CEP128: variants seen among roughly 807,000 people sequenced by gnomAD.
CEP128 encodes the protein centrosomal protein 128kDa.
Under a neutral mutation model 156.7 loss-of-function variants are expected in CEP128, and 132 were observed. That is an observed-to-expected ratio of 0.84 (90% CI 0.73 to 0.97). CEP128 has a LOEUF of 0.97. Among genes scored for constraint, CEP128 ranks in the 50% least tolerant of loss-of-function variants. The probability of loss-of-function intolerance (pLI) is 0.00; values close to 1 mark genes in which losing one functional copy is unlikely to be tolerated. For synonymous variants in CEP128, 469 were observed against 448.9 expected, an observed-to-expected ratio of 1.04 and a Z score of -0.57; for missense variants, 1,252 against 1,281.9, an observed-to-expected ratio of 0.98 and a Z score of 0.36.
At chr14:80,735,015 G>T (rs1218598043) in intron 19 of CEP128, among the ~76,000 whole-genome samples, 5 of 151,944 alleles carry the variant, frequency 3.3e-5, no homozygotes, top group Admixed American at 3.3e-4. Context: ...GACCTAACAG[G>T]TATCCCTCCC....
chr14:80,821,934 C>T (rs114699522), intron 13 of CEP128, among the ~76,000 whole-genome samples: 7 of 151,758 alleles, frequency 4.6e-5, no homozygotes, highest in African/African-American at 9.7e-5. Context: ...GTGACAGGCA[C>T]GCAGACAAGA....
At chr14:80,605,649 T>C (rs781100272) in intron 19 of CEP128, among the ~76,000 whole-genome samples, 16 of 152,046 alleles carry the variant, frequency 1.1e-4, no homozygotes, top group Non-Finnish European at 2.1e-4. Context: ...TTACATAACA[T>C]GAATATTTTC....
chr14:80,487,173 A>G (rs9743753), downstream of CEP128, among the ~76,000 whole-genome samples: 114,468 of 151,444 alleles, frequency 0.76, 46,112 homozygotes, highest in Non-Finnish European at 0.88. Flanking sequence ...ATAAAGGGAT[A>G]GAGGAAGATC....
intron 15 of CEP128, among the ~76,000 whole-genome samples, chr14:80,783,513 C>T (rs1033415530): frequency 1.5e-4 from 23 of 152,202 alleles, no homozygotes; most frequent in Non-Finnish European, 2.2e-4. Flanking sequence ...GAGCAGTGAC[C>T]GGCACAAAAT....
intron 23 of CEP128, among the ~76,000 whole-genome samples, chr14:80,514,997 G>A (rs79159271): frequency 0.02 from 3,117 of 152,286 alleles, 97 homozygotes; most frequent in African/African-American, 0.07. Flanking sequence ...GAGGTATTGC[G>A]TGGCGGTCTT....
intron 13 of CEP128, among the ~76,000 whole-genome samples, chr14:80,809,525 A>G (rs1344647044): frequency 6.6e-6 from 1 of 152,186 alleles, no homozygotes; most frequent in Non-Finnish European, 1.5e-5. Flanking sequence ...GATCCCCAAT[A>G]AGATACAATA....
chr14:80,526,088 G>A (rs1406998121), intron 23 of CEP128, among the ~76,000 whole-genome samples: 1 of 151,984 alleles, frequency 6.6e-6, no homozygotes, highest in Non-Finnish European at 1.5e-5. Flanking sequence ...GCCCTCCAGG[G>A]GACATTTGAC....
chr14:80,727,099 C>T (rs189439659), intron 19 of CEP128, among the ~76,000 whole-genome samples: 1 of 152,262 alleles, frequency 6.6e-6, no homozygotes. Context: ...TACAATACCG[C>T]TGTGAAAGAG....
At chr14:80,883,866 G>C (rs1424104691) in intron 8 of CEP128, among the ~76,000 whole-genome samples, 2 of 152,046 alleles carry the variant, frequency 1.3e-5, no homozygotes, top group Non-Finnish European at 2.9e-5. Context: ...GCATAGAACT[G>C]GCATAGAAAC....
rs531093513 is a variant in CEP128, at chr14:80,830,862, T to C, written c.1209+281A>G. The C allele has an allele frequency of 4.4e-5, 14 of 315,848 alleles. No homozygotes were observed. The South Asian group carries it at 6.0e-4, about 13-fold the overall frequency. The allele number at this position is 315,848 out of a possible 1,614,324, so 19.6% of individuals were successfully genotyped here. On this transcript the variant is annotated intron_variant, in intron 13 of 24. Transcript: ENST00000555265. ...TCTGTAGAAAGGGTTCAATTGCTAT[T>C]AGAACAAAAATATTTTCAAATTTAA...
chr14:80,804,694 T>C (rs1395271373), intron 13 of CEP128, among the ~76,000 whole-genome samples: 1 of 152,162 alleles, frequency 6.6e-6, no homozygotes, highest in African/African-American at 2.4e-5. Context: ...TTTGTATTTA[T>C]TGAAATCAGA....
intron 4 of CEP128, among the ~76,000 whole-genome samples, chr14:80,911,560 CAAAGA>C (rs944552608): frequency 3.9e-5 from 6 of 152,042 alleles, no homozygotes; most frequent in African/African-American, 1.4e-4. Flanking sequence ...TCAGAAGGAC[CAAAGA>C]AAAGCTTCAT....
chr14:80,547,731 A>G (rs1890044276), intron 21 of CEP128, among the ~76,000 whole-genome samples: 1 of 152,160 alleles, frequency 6.6e-6, no homozygotes, highest in Admixed American at 6.5e-5. Context: ...GGCAACATAG[A>G]AATTTTGTGA....
In CEP128 at chr14:80,866,177, T is replaced by A. The variant is rs991301457; in HGVS notation, c.646-3304A>T. ...GACTGGCCCCTGTAAGCACAGGCTC[T>A]GGGCCTTCCCCCGTGGGCCCAGGTA... On this transcript the variant is annotated intron_variant, in intron 8 of 24. Transcript: ENST00000555265. Among the ~76,000 whole-genome samples, 6 of 152,028 alleles carry A rather than the reference T, an allele frequency of 3.9e-5. No individual in the cohort carries two copies. The East Asian group carries it at 7.7e-4, about 20-fold the overall frequency.
At chr14:80,781,031 G>A (rs187592933) in intron 15 of CEP128, among the ~76,000 whole-genome samples, 50 of 152,308 alleles carry the variant, frequency 3.3e-4, no homozygotes, top group African/African-American at 1.2e-3. Flanking sequence ...CATAAAAGAA[G>A]TACAAAATTG....
intron 19 of CEP128, among the ~76,000 whole-genome samples, chr14:80,586,967 G>A (rs528665189): frequency 6.6e-6 from 1 of 152,038 alleles, no homozygotes; most frequent in Non-Finnish European, 1.5e-5. Context: ...CAAATGTGTT[G>A]GGCTTTCAGT....
At chr14:80,677,679 G>A (rs985889865) in intron 19 of CEP128, among the ~76,000 whole-genome samples, 1 of 152,054 alleles carries the variant, frequency 6.6e-6, no homozygotes, top group Non-Finnish European at 1.5e-5. Context: ...ATCACCTAGA[G>A]TTGGTGAAAT....
Position 80,526,860 on chromosome 14 carries a change from G to A in CEP128, c.3072+9C>T. 6.6e-7 allele frequency: 1 copy of A among 1,509,322 alleles called. No individual in the cohort carries two copies. Among genetic ancestry groups the A allele is most frequent in the Non-Finnish European group, 9.2e-7 (1 of 1,089,312 alleles). The allele number at this position is 1,509,322 out of a possible 1,614,324, so 93.5% of individuals were successfully genotyped here. A position where few individuals can be genotyped will look rare whatever the true frequency, so the allele number is the denominator to read the frequency against. On this transcript the variant is annotated intron_variant, in intron 23 of 24. Coordinates refer to ENST00000555265, the MANE Select transcript of CEP128 (RefSeq NM_152446.5). ...CTTAAAGACTAAAAAAGTATATAAA[G>A]AAAATTACTTTGAAACTTTTGGTTC...
chr14:80,932,402 T>C (rs1885518952), intron 2 of CEP128, among the ~76,000 whole-genome samples: 1 of 152,246 alleles, frequency 6.6e-6, no homozygotes, highest in Non-Finnish European at 1.5e-5. Context: ...AGATTGCAAA[T>C]GACTCTGGCC....
Sources: allele counts gnomAD v4.1 joint callset (sites outside exome capture counted in the v4.1 genomes callset), GRCh38; gene constraint gnomAD v4.1.1; transcripts MANE v1.5; gene names NCBI Gene and HGNC (gene_info 2026-07-23, HGNC 2026-07-21).